Variants in TMCC3 observed in about 807,000 individuals in gnomAD.
TMCC3 encodes the protein transmembrane and coiled-coil domain protein 3.
TMCC3 carries 28 observed loss-of-function variants against 40.2 expected under a neutral mutation model. The observed-to-expected ratio is 0.70, with a 90% confidence interval of 0.52 to 0.95. The LOEUF (loss-of-function observed/expected upper bound fraction) is 0.95. Ranked by LOEUF, TMCC3 falls within the 40% of genes least tolerant of loss-of-function variation. TMCC3 has a pLI of 0.00. For synonymous variants in TMCC3, 255 were observed against 248.5 expected (o/e 1.03, Z -0.25); for missense variants, 554 against 615.2 (o/e 0.90, Z 1.05).
At chr12:94,637,605 T>G (rs1338269331) in intron 1 of TMCC3, among the ~76,000 whole-genome samples, 1 of 152,252 alleles carries the variant, frequency 6.6e-6, no homozygotes. Context: ...TAATTTAAAA[T>G]GCACATGCCC....
At chr12:94,642,872 T>C (rs2068998035) in intron 1 of TMCC3, among the ~76,000 whole-genome samples, 1 of 152,170 alleles carries the variant, frequency 6.6e-6, no homozygotes, top group African/African-American at 2.4e-5. Context: ...AACCTAACTT[T>C]GGTACCATGC....
intron 1 of TMCC3, among the ~76,000 whole-genome samples, chr12:94,604,666 C>T (rs1457535587): frequency 2.2e-5 from 3 of 138,370 alleles, no homozygotes; most frequent in African/African-American, 7.9e-5. Flanking sequence ...AAAAATGCTG[C>T]GTGTGGTAGT....
chr12:94,632,187 C>T (rs931055157), intron 1 of TMCC3, among the ~76,000 whole-genome samples: 2 of 152,114 alleles, frequency 1.3e-5, no homozygotes, highest in South Asian at 2.1e-4. Context: ...GAGAACTTTC[C>T]GGGGTGATAG....
In TMCC3 at chr12:94,581,839, C is replaced by T. The variant is rs1395345548; in HGVS notation, c.778G>A (p.Gly260Ser). The part of the protein sequence containing the change: ...KYGSDDECSS[G>S]TSGSADSNGN... ...TTACTGTCGGCCGAGCCTGACGTGC[C>T]ACTCGAACATTCATCATCACTGCCA... The change falls in exon 2 of 4, where the codon GGC becomes AGC. Residue 260 changes from glycine (G) to serine (S), a missense_variant. Physicochemically the swap from Gly to Ser is moderately conservative, Grantham distance 56 (BLOSUM62 0). Transcript: ENST00000261226. 2.5e-6 allele frequency: 4 copies of T among 1,614,060 alleles called. No homozygotes were observed. The highest frequency in any genetic ancestry group is 1.6e-4 in the Middle Eastern group (1 of 6,062).
chr12:94,625,142 CA>C (rs35584074), intron 1 of TMCC3, among the ~76,000 whole-genome samples: 1,436 of 117,284 alleles, frequency 0.012, 19 homozygotes, highest in African/African-American at 0.04. Context: ...AACTCCATCT[CA>C]AAAAAAAAAA....
In TMCC3 at chr12:94,644,810, C is replaced by T. The variant is rs376953259; in HGVS notation, c.78+5543G>A. ...TAAGCATGTGATCATCAACTTACTA[C>T]ATCACTGCCCAACCAGTTCCACTGT... On this transcript the variant is annotated intron_variant, in intron 1 of 3. Coordinates refer to ENST00000261226, the MANE Select transcript of TMCC3 (RefSeq NM_020698.4). Among the ~76,000 whole-genome samples the T allele has an allele frequency of 5.3e-5, 8 of 152,322 alleles. No homozygotes were observed. The South Asian group carries it at 1.0e-3, about 20-fold the overall frequency.
In TMCC3 at chr12:94,637,129, T is replaced by C. The variant is rs989087127; in HGVS notation, c.78+13224A>G. Among the ~76,000 whole-genome samples, 10 of 152,114 alleles carry C rather than the reference T, an allele frequency of 6.6e-5. No individual in the cohort carries two copies. The South Asian group carries it at 8.3e-4, about 13-fold the overall frequency. ...TTAGTAGAAAACCAATACAAATCTA[T>C]GTAAAAGACCAACAGCCAATAGATA... On this transcript the variant is annotated intron_variant, in intron 1 of 3. Coordinates refer to ENST00000261226, the MANE Select transcript of TMCC3 (RefSeq NM_020698.4).
chr12:94,640,576 G>A (rs1250959623), intron 1 of TMCC3, among the ~76,000 whole-genome samples: 1 of 152,118 alleles, frequency 6.6e-6, no homozygotes, highest in African/African-American at 2.4e-5. Flanking sequence ...ATAAATGTAA[G>A]TTTTAAGGAG....
intron 3 of TMCC3, among the ~76,000 whole-genome samples, chr12:94,575,061 A>C (rs1341498204): frequency 6.6e-6 from 1 of 152,188 alleles, no homozygotes; most frequent in Non-Finnish European, 1.5e-5. Flanking sequence ...TGATGACCAT[A>C]AAAAGGGGTT....
chr12:94,571,625 A>G lies in TMCC3; in HGVS notation c.1244T>C (p.Ile415Thr). The change falls in exon 4 of 4, where the codon ATC (isoleucine) becomes ACC (threonine). Residue 415 changes from isoleucine to threonine, a missense_variant. Physicochemically the swap from Ile to Thr is moderately conservative, Grantham distance 89 (BLOSUM62 -1). Transcript: ENST00000261226. ...VNAKVLLGRC[I>T]NVILAFMTVI... The stretch of plus-strand genomic sequence containing the variant: ...AGTCATGAAGGCCAGGATCACGTTG[A>G]TGCACCTCCCCAGGAGAACTTTAGC... 1 of 1,614,202 alleles carries G rather than the reference A, an allele frequency of 6.2e-7. No homozygotes were observed. Among genetic ancestry groups the G allele is most frequent in the Non-Finnish European group, 8.5e-7 (1 of 1,180,048 alleles).
chr12:94,579,036 C>A (rs938104252), intron 2 of TMCC3, among the ~76,000 whole-genome samples: 1 of 152,172 alleles, frequency 6.6e-6, no homozygotes, highest in African/African-American at 2.4e-5. Context: ...CATGCAAACA[C>A]GCACTGATTA....
intron 1 of TMCC3, among the ~76,000 whole-genome samples, chr12:94,621,452 T>C (rs980062753): frequency 6.6e-6 from 1 of 152,212 alleles, no homozygotes; most frequent in African/African-American, 2.4e-5. Flanking sequence ...CCCATTCTTA[T>C]GTCCAAGTAG....
Position 94,597,222 on chromosome 12 carries a change from G to A in TMCC3, c.79-14684C>T, listed in dbSNP as rs976541917. 4.8e-5 allele frequency among the ~76,000 whole-genome samples: 7 copies of A among 145,446 alleles called. 1 individual carries two copies. Among genetic ancestry groups the A allele is most frequent in the Middle Eastern group, 3.5e-3 (1 of 282 alleles). ...CGCAGCTACTCAGGAGGCTGAGGTG[G>A]GAGGACTGATTGAACCCAGGAGTTT... On this transcript the variant is annotated intron_variant, in intron 1 of 3. Coordinates refer to ENST00000261226, the MANE Select transcript of TMCC3 (RefSeq NM_020698.4).
chr12:94,624,401 T>C (rs11107626), intron 1 of TMCC3, among the ~76,000 whole-genome samples: 45,542 of 152,084 alleles, frequency 0.3, 7,239 homozygotes, highest in East Asian at 0.45. Flanking sequence ...AAATGTCACA[T>C]ATCCATACAA....
intron 1 of TMCC3, among the ~76,000 whole-genome samples, chr12:94,601,710 G>A (rs1215300034): frequency 4.8e-5 from 7 of 146,154 alleles, no homozygotes; most frequent in Middle Eastern, 3.5e-3. Context: ...TGGGGAGGTT[G>A]AGACAGGAGA....
intron 3 of TMCC3, 79 bp downstream of exon 3, chr12:94,578,315 G>C: frequency 6.6e-7 from 1 of 1,509,506 alleles, no homozygotes. Flanking sequence ...TAGGACTTAG[G>C]CATAAACATT....
chr12:94,638,208 G>C (rs1376390960), intron 1 of TMCC3, among the ~76,000 whole-genome samples: 3 of 152,152 alleles, frequency 2.0e-5, no homozygotes, highest in Non-Finnish European at 4.4e-5. Flanking sequence ...TCATAATCTG[G>C]GGACCATCTC....
chr12:94,600,989 CAAGA>C (rs769733332), intron 1 of TMCC3, among the ~76,000 whole-genome samples: 8 of 152,168 alleles, frequency 5.3e-5, no homozygotes, highest in Non-Finnish European at 8.8e-5. Context: ...ATGAGACATC[CAAGA>C]AAGAAATACA....
In TMCC3 at chr12:94,645,957, T is replaced by C. The variant is rs571225975; in HGVS notation, c.78+4396A>G. Among the ~76,000 whole-genome samples the C allele has an allele frequency of 7.2e-5, 11 of 152,314 alleles. No homozygotes were observed. The South Asian group carries it at 2.3e-3, about 32-fold the overall frequency. On this transcript the variant is annotated intron_variant, in intron 1 of 3. Transcript: ENST00000261226. ...CATGGAGTTAAACATTTTATAGACA[T>C]TACTGAATTTATTCCTCAAAACACC...
Sources: allele counts gnomAD v4.1 joint callset (sites outside exome capture counted in the v4.1 genomes callset), GRCh38; gene constraint gnomAD v4.1.1; transcripts MANE v1.5; gene names NCBI Gene and HGNC (gene_info 2026-07-23, HGNC 2026-07-21).